THEMIS: variants seen among roughly 807,000 people sequenced by gnomAD.
The protein encoded by THEMIS is thymocyte selection associated.
A neutral mutation model predicts 52.6 loss-of-function variants in THEMIS; 37 were observed. The observed-to-expected ratio is 0.70, with a 90% confidence interval of 0.54 to 0.93. The LOEUF is 0.93. Among genes scored for constraint, THEMIS ranks in the 40% least tolerant of loss-of-function variants. The pLI is 0.00. For synonymous variants in THEMIS, 292 were observed against 272.7 expected, an observed-to-expected ratio of 1.07 and a Z score of -0.70; for missense variants, 808 against 763.1, an observed-to-expected ratio of 1.06 and a Z score of -0.69.
chr6:127,754,477 T>C lies in THEMIS; in HGVS notation c.1759-34654A>G, dbSNP rs543944394. The stretch of plus-strand genomic sequence containing the variant: ...ATTCTTGGCATGACAGTTTTGTCCA[T>C]TGGTCAATTCCTCTCATAGTCACAA... On this transcript the variant is annotated intron_variant, in intron 4 of 5. Transcript: ENST00000368248. 1.8e-4 allele frequency among the ~76,000 whole-genome samples: 27 copies of C among 152,338 alleles called. 1 individual carries two copies. In the South Asian group the frequency reaches 5.6e-3, roughly 32 times the overall value.
upstream of THEMIS, among the ~76,000 whole-genome samples, chr6:127,902,435 A>G (rs566113889): frequency 5.3e-5 from 8 of 152,120 alleles, no homozygotes; most frequent in East Asian, 3.9e-4. Flanking sequence ...CTTATCTATT[A>G]ACTGTTTTGG....
intron 4 of THEMIS, among the ~76,000 whole-genome samples, chr6:127,761,246 CT>C (rs374111073): frequency 1.3e-5 from 2 of 152,128 alleles, no homozygotes; most frequent in African/African-American, 4.8e-5. Flanking sequence ...CATTGGCACA[CT>C]CTTGGTGGAA....
intron 4 of THEMIS, among the ~76,000 whole-genome samples, chr6:127,775,915 T>C (rs929090620): frequency 1.3e-5 from 2 of 152,296 alleles, no homozygotes; most frequent in Middle Eastern, 6.8e-3. Context: ...CAGATATATG[T>C]ATCTCTAACA....
At chr6:127,768,066 A>G (rs1401810214) in intron 4 of THEMIS, among the ~76,000 whole-genome samples, 1 of 152,168 alleles carries the variant, frequency 6.6e-6, no homozygotes, top group Non-Finnish European at 1.5e-5. Context: ...AATATTCATT[A>G]ATACATCTTT....
chr6:127,753,233 T>C (rs1382556781), intron 4 of THEMIS, among the ~76,000 whole-genome samples: 1 of 151,994 alleles, frequency 6.6e-6, no homozygotes, highest in Non-Finnish European at 1.5e-5. Flanking sequence ...AGCTGAAAGC[T>C]TTTCTTCTAA....
intron 2 of THEMIS, among the ~76,000 whole-genome samples, chr6:127,843,368 C>G (rs1779114586): frequency 6.6e-6 from 1 of 151,682 alleles, no homozygotes; most frequent in East Asian, 2.0e-4. Flanking sequence ...AATACTGTAC[C>G]ATTAACGTAG....
At chr6:127,860,720 A>G (rs545204799) in intron 1 of THEMIS, among the ~76,000 whole-genome samples, 61 of 152,264 alleles carry the variant, frequency 4.0e-4, no homozygotes, top group African/African-American at 1.3e-3. Context: ...AAGTACTAGG[A>G]CCAAAACCCA....
At chr6:127,913,737 TAAGC>T (rs1781460965) in intron 1 of THEMIS, among the ~76,000 whole-genome samples, 13 of 152,338 alleles carry the variant, frequency 8.5e-5, no homozygotes, top group Admixed American at 6.5e-4. Flanking sequence ...ACTTCATAAA[TAAGC>T]TGAATATTTT....
At chr6:127,740,647 G>A (rs1322844466) in intron 4 of THEMIS, among the ~76,000 whole-genome samples, 1 of 151,978 alleles carries the variant, frequency 6.6e-6, no homozygotes, top group Non-Finnish European at 1.5e-5. Context: ...TTTTTCTTTA[G>A]CTATCCGAAA....
chr6:127,913,213 A>G (rs77312551), intron 1 of THEMIS, among the ~76,000 whole-genome samples: 2 of 151,704 alleles, frequency 1.3e-5, no homozygotes, highest in Non-Finnish European at 2.9e-5. Flanking sequence ...TACTGGATGG[A>G]AAAAAAAAGT....
intron 4 of THEMIS, among the ~76,000 whole-genome samples, chr6:127,800,754 G>T (rs1325855272): frequency 6.6e-6 from 1 of 152,154 alleles, no homozygotes; most frequent in Non-Finnish European, 1.5e-5. Flanking sequence ...TAGCTTCCCA[G>T]CCTACATCTT....
intron 5 of THEMIS, among the ~76,000 whole-genome samples, chr6:127,718,969 C>A (rs112211672): frequency 0.026 from 3,977 of 151,432 alleles, 90 homozygotes; most frequent in Non-Finnish European, 0.039. Context: ...AGCTACAAAA[C>A]CAAATAAGGA....
intron 4 of THEMIS, among the ~76,000 whole-genome samples, chr6:127,726,395 A>G (rs937464674): frequency 1.3e-5 from 2 of 152,124 alleles, no homozygotes; most frequent in South Asian, 2.1e-4. Flanking sequence ...CCCAAGAAAA[A>G]CCACCCTTGC....
At chr6:127,751,281 G>C (rs1775635386) in intron 4 of THEMIS, among the ~76,000 whole-genome samples, 1 of 151,638 alleles carries the variant, frequency 6.6e-6, no homozygotes, top group Non-Finnish European at 1.5e-5. Context: ...GTTGTTATCA[G>C]CTTAAAATAG....
At chr6:127,782,764 C>T (rs1776791619) in intron 4 of THEMIS, among the ~76,000 whole-genome samples, 1 of 152,152 alleles carries the variant, frequency 6.6e-6, no homozygotes, top group African/African-American at 2.4e-5. Flanking sequence ...ACCTCCTCTT[C>T]CATGCTCATG....
intron 2 of THEMIS, among the ~76,000 whole-genome samples, chr6:127,849,729 A>G (rs1779354639): frequency 6.6e-6 from 1 of 152,048 alleles, no homozygotes; most frequent in Non-Finnish European, 1.5e-5. Flanking sequence ...TTCTCATGTT[A>G]TACAAAAATC....
intron 1 of THEMIS, among the ~76,000 whole-genome samples, chr6:127,867,125 C>A (rs1780006391): frequency 6.6e-6 from 1 of 151,720 alleles, no homozygotes; most frequent in African/African-American, 2.4e-5. Flanking sequence ...TTATATAAGC[C>A]ATTGTATTCT....
Position 127,749,880 on chromosome 6 carries a change from T to C in THEMIS, c.1759-30057A>G, listed in dbSNP as rs113604239. On this transcript the variant is annotated intron_variant, in intron 4 of 5. Transcript: ENST00000368248. Reference sequence around the variant, plus strand: ...ACACCATGTCATGAGTTTTATAGAATATAGGAGTAGATTAGGATTTTCGAG... The same window carrying C: ...ACACCATGTCATGAGTTTTATAGAACATAGGAGTAGATTAGGATTTTCGAG... Among the ~76,000 whole-genome samples, 1,453 of 151,040 alleles carry C rather than the reference T, an allele frequency of 9.6e-3. 25 individuals are homozygous for C. The highest frequency in any genetic ancestry group is 0.034 in the African/African-American group (1,386 of 41,182).
At chr6:127,728,617 A>C (rs1434554396) in intron 4 of THEMIS, among the ~76,000 whole-genome samples, 3 of 152,224 alleles carry the variant, frequency 2.0e-5, no homozygotes, top group African/African-American at 7.2e-5. Flanking sequence ...GTATGCAATG[A>C]GCAACAACTA....
Sources: gnomAD v4.1 joint callset for allele counts (sites outside exome capture counted in the v4.1 genomes callset) on GRCh38, gnomAD v4.1.1 for gene constraint, MANE v1.5 for transcripts, NCBI Gene and HGNC (gene_info 2026-07-23, HGNC 2026-07-21) for gene names.